KCNMA1: variants seen among roughly 807,000 people sequenced by gnomAD.
The protein encoded by KCNMA1 is Calcium-activated potassium channel subunit alpha-1.
In KCNMA1, 29 loss-of-function variants were observed where a neutral mutation model predicts 140.0. The observed-to-expected ratio is 0.21, with a 90% CI of 0.15 to 0.28. The LOEUF is 0.28. Among genes scored for constraint, KCNMA1 ranks in the 10% least tolerant of loss-of-function variants. The pLI, the probability that KCNMA1 is intolerant of heterozygous loss-of-function variation, is 1.00. For missense variants in KCNMA1, 880 were observed against 1,602.2 expected (o/e 0.55, Z 7.70); for synonymous variants, 612 against 611.9 (o/e 1.00, Z 0.00).
intron 16 of KCNMA1, chr10:77,019,767 A>G (rs1222719215): frequency 6.6e-6 from 1 of 152,292 alleles, no homozygotes; most frequent in Admixed American, 6.5e-5. Context: ...TGTTTATAAA[A>G]ACGTACAGGG....
intron 2 of KCNMA1, among the ~76,000 whole-genome samples, chr10:77,287,578 A>T (rs2071476049): frequency 6.6e-6 from 1 of 152,218 alleles, no homozygotes; most frequent in Non-Finnish European, 1.5e-5. Flanking sequence ...CCAAAACTCT[A>T]AACACCTTCT....
intron 1 of KCNMA1, among the ~76,000 whole-genome samples, chr10:77,512,655 G>T (rs1489925936): frequency 6.6e-6 from 1 of 152,160 alleles, no homozygotes; most frequent in Admixed American, 6.5e-5. Flanking sequence ...GGTCATTAGG[G>T]TGGGCCCTCA....
chr10:77,214,245 TCA>T (rs767260534), intron 3 of KCNMA1, among the ~76,000 whole-genome samples: 1 of 152,194 alleles, frequency 6.6e-6, no homozygotes, highest in Non-Finnish European at 1.5e-5. Context: ...GGCCACTATT[TCA>T]CAGTTTTCCT....
intron 14 of KCNMA1, among the ~76,000 whole-genome samples, chr10:77,072,281 C>T (rs1022077006): frequency 6.6e-6 from 1 of 152,208 alleles, no homozygotes; most frequent in Non-Finnish European, 1.5e-5. Context: ...ACCTTGACTG[C>T]CTAATCTAAG....
chr10:77,195,207 A>T (rs1459984135), intron 3 of KCNMA1, among the ~76,000 whole-genome samples: 6 of 152,178 alleles, frequency 3.9e-5, no homozygotes, highest in African/African-American at 1.4e-4. Flanking sequence ...CTGACAGCTA[A>T]GGCCTGGAAG....
At chr10:77,008,284 G>T in intron 18 of KCNMA1, 1 of 1,370,932 alleles carries the variant, frequency 7.3e-7, no homozygotes, top group Non-Finnish European at 9.9e-7. Flanking sequence ...ATGATTTGAA[G>T]TCAAAGAAAA....
At chr10:77,219,535 G>A (rs2048886462) in intron 3 of KCNMA1, among the ~76,000 whole-genome samples, 1 of 151,322 alleles carries the variant, frequency 6.6e-6, no homozygotes, top group South Asian at 2.1e-4. Flanking sequence ...GGTACAGAAA[G>A]TAAAGAAAGA....
chr10:77,001,276 A>T (rs1318876977), intron 19 of KCNMA1, 131 bp downstream of exon 19: 2 of 820,302 alleles, frequency 2.4e-6, no homozygotes, highest in Admixed American at 4.1e-5. Context: ...GCAACATGTC[A>T]GCACACAGGA....
chr10:77,050,925 C>T lies in KCNMA1; in HGVS notation c.1750-11288G>A, dbSNP rs61594241. ...CAAGATGGGTATCCAAGTGTTTGGG[C>T]TGTTGTGATAATTAGCCTAAACAAT... On this transcript the variant is annotated intron_variant, in intron 14 of 27. Coordinates refer to ENST00000286628, the MANE Select transcript of KCNMA1 (RefSeq NM_001161352.2). Among the ~76,000 whole-genome samples the T allele has an allele frequency of 4.9e-3, 753 of 152,266 alleles. 7 individuals are homozygous for T. Among genetic ancestry groups the T allele is most frequent in the African/African-American group, 0.017 (706 of 41,538 alleles).
At chr10:76,902,890 G>A (rs1035878746) in intron 25 of KCNMA1, 12 of 152,032 alleles carry the variant, frequency 7.9e-5, no homozygotes, top group African/African-American at 2.7e-4. Flanking sequence ...CAAAAAATGG[G>A]AGTTTATAAA....
intron 1 of KCNMA1, among the ~76,000 whole-genome samples, chr10:77,504,119 C>A (rs1392320964): frequency 2.0e-5 from 3 of 152,176 alleles, no homozygotes; most frequent in African/African-American, 4.8e-5. Context: ...TGGTTATCTG[C>A]CTGCCTGGCA....
At chr10:77,466,604 T>C (rs1430207120) in intron 1 of KCNMA1, among the ~76,000 whole-genome samples, 1 of 152,078 alleles carries the variant, frequency 6.6e-6, no homozygotes, top group Non-Finnish European at 1.5e-5. Context: ...CTACAAGAAA[T>C]GAGTTCACTG....
chr10:76,930,421 G>A (rs115925842), intron 23 of KCNMA1, among the ~76,000 whole-genome samples: 4 of 152,126 alleles, frequency 2.6e-5, no homozygotes, highest in African/African-American at 9.7e-5. Context: ...ATCACAATAA[G>A]ATATCACCTC....
At chr10:77,102,752 T>C (rs1366394186) in intron 9 of KCNMA1, among the ~76,000 whole-genome samples, 3 of 152,230 alleles carry the variant, frequency 2.0e-5, no homozygotes, top group Admixed American at 1.3e-4. Context: ...CTTGGACTAC[T>C]TTATCCAGTG....
chr10:77,542,833 T>A lies in KCNMA1; in HGVS notation c.378+94432A>T, dbSNP rs144688654. On this transcript the variant is annotated intron_variant, in intron 1 of 27. Coordinates refer to ENST00000286628, the MANE Select transcript of KCNMA1 (RefSeq NM_001161352.2). ...CCACCCCATGCTTCAGAAGTATTAT[T>A]GCTGAGGCCAAAATCTTTAGACTTC... Among the ~76,000 whole-genome samples, 825 of 152,290 alleles carry A rather than the reference T, an allele frequency of 5.4e-3. 5 individuals carry two copies. Among genetic ancestry groups the A allele is most frequent in the African/African-American group, 0.019 (804 of 41,556 alleles).
chr10:77,227,211 C>G (rs2051780282), intron 3 of KCNMA1, among the ~76,000 whole-genome samples: 1 of 152,154 alleles, frequency 6.6e-6, no homozygotes, highest in Admixed American at 6.5e-5. Context: ...ATTAAGTTCC[C>G]TGCTTTTTTA....
At chr10:76,960,410 A>G (rs1223636292) in intron 20 of KCNMA1, among the ~76,000 whole-genome samples, 6 of 152,062 alleles carry the variant, frequency 3.9e-5, no homozygotes, top group South Asian at 2.1e-4. Context: ...CAGATGGTGC[A>G]CGCCTGCAGT....
intron 1 of KCNMA1, among the ~76,000 whole-genome samples, chr10:77,406,954 AG>A (rs1382453625): frequency 6.6e-6 from 1 of 152,132 alleles, no homozygotes; most frequent in Non-Finnish European, 1.5e-5. Context: ...GCTGGGAGGC[AG>A]GGGGGCCCTC....
intron 9 of KCNMA1, among the ~76,000 whole-genome samples, chr10:77,101,697 T>C (rs532384752): frequency 7.9e-5 from 12 of 152,310 alleles, no homozygotes; most frequent in Non-Finnish European, 1.5e-4. Flanking sequence ...TTCAGTCACA[T>C]TTCGACCAGA....
Sources: allele counts gnomAD v4.1 joint callset (sites outside exome capture counted in the v4.1 genomes callset), GRCh38; gene constraint gnomAD v4.1.1; transcripts MANE v1.5; gene names NCBI Gene and HGNC (gene_info 2026-07-23, HGNC 2026-07-21).